The following SHISA9 variants were observed in gnomAD, a reference collection of about 807,000 sequenced individuals.
SHISA9 encodes the protein shisa family member 9.
A neutral mutation model predicts 38.0 loss-of-function variants in SHISA9; 13 were observed. The ratio of observed to expected loss-of-function variants is 0.34; its 90% CI spans 0.22 to 0.54. The LOEUF is 0.54. Among genes scored for constraint, SHISA9 ranks in the 20% least tolerant of loss-of-function variants. The pLI is 0.91. For synonymous variants in SHISA9, 275 were observed against 242.0 expected, an observed-to-expected ratio of 1.14 and a Z score of -1.27; for missense variants, 538 against 575.8, an observed-to-expected ratio of 0.93 and a Z score of 0.67.
At chr16:13,304,345 A>G in the SHISA9 span, among the ~76,000 whole-genome samples, 2 of 152,156 alleles carry the variant, frequency 1.3e-5, no homozygotes, top group Non-Finnish European at 2.9e-5. Context: ...CGTGGCCTCA[A>G]TCTCCCCAGG....
intron 2 of SHISA9, among the ~76,000 whole-genome samples, chr16:13,071,078 G>A (rs1251975777): frequency 6.6e-6 from 1 of 152,126 alleles, no homozygotes; most frequent in Non-Finnish European, 1.5e-5. Context: ...ATTCAAGAAT[G>A]ACAAGACATT....
the SHISA9 span, among the ~76,000 whole-genome samples, chr16:13,359,627 T>C: frequency 6.6e-6 from 1 of 152,262 alleles, no homozygotes; most frequent in Non-Finnish European, 1.5e-5. Context: ...ACCATACTTT[T>C]ACCTCTCTGA....
chr16:13,272,332 C>A, the SHISA9 span, among the ~76,000 whole-genome samples: 3 of 152,062 alleles, frequency 2.0e-5, no homozygotes, highest in Non-Finnish European at 4.4e-5. Flanking sequence ...CCTACAATGA[C>A]CTTTCCACCC....
chr16:13,234,853 T>C (rs2051365581), intron 4 of SHISA9, among the ~76,000 whole-genome samples, 177 bp from the exon 5 acceptor site: 1 of 152,092 alleles, frequency 6.6e-6, no homozygotes, highest in African/African-American at 2.4e-5. Context: ...AAGGGCATGG[T>C]GCTGCCCTTC....
At chr16:13,184,765 A>G (rs1276755705) in intron 2 of SHISA9, among the ~76,000 whole-genome samples, 1 of 152,228 alleles carries the variant, frequency 6.6e-6, no homozygotes, top group Non-Finnish European at 1.5e-5. Flanking sequence ...TGTATTAATA[A>G]CAGTCCATTC....
chr16:12,981,139 T>C (rs2072234548), intron 2 of SHISA9, among the ~76,000 whole-genome samples: 2 of 152,216 alleles, frequency 1.3e-5, no homozygotes, highest in Non-Finnish European at 1.5e-5. Context: ...GGTACTTTGA[T>C]GGGCAATGTG....
the SHISA9 span, among the ~76,000 whole-genome samples, chr16:13,426,222 G>T: frequency 6.6e-6 from 1 of 152,162 alleles, no homozygotes; most frequent in East Asian, 1.9e-4. Flanking sequence ...GGATCCTTGC[G>T]AAGTGTTTTA....
At chr16:13,174,290 G>T (rs1280691977) in intron 2 of SHISA9, among the ~76,000 whole-genome samples, 1 of 152,052 alleles carries the variant, frequency 6.6e-6, no homozygotes, top group Non-Finnish European at 1.5e-5. Context: ...ACTCTCCTCT[G>T]GTCCTGCCTT....
At chr16:13,157,460 C>G (rs1251931128) in intron 2 of SHISA9, among the ~76,000 whole-genome samples, 1 of 152,156 alleles carries the variant, frequency 6.6e-6, no homozygotes, top group African/African-American at 2.4e-5. Context: ...AGTTACTTAG[C>G]CTTTCTGTCC....
chr16:13,354,781 A>G, the SHISA9 span, among the ~76,000 whole-genome samples: 134 of 152,178 alleles, frequency 8.8e-4, no homozygotes, highest in African/African-American at 3.1e-3. Context: ...GAAGAAAAGG[A>G]GTTGTTTTGT....
chr16:13,297,638 A>G, the SHISA9 span, among the ~76,000 whole-genome samples: 7 of 152,344 alleles, frequency 4.6e-5, no homozygotes, highest in South Asian at 1.0e-3. Flanking sequence ...TAAGTGAAGA[A>G]TAGTGAAAAG....
the SHISA9 span, among the ~76,000 whole-genome samples, chr16:13,525,390 T>C: frequency 6.6e-6 from 1 of 152,146 alleles, no homozygotes; most frequent in Admixed American, 6.5e-5. Context: ...TGCAGTTACA[T>C]TAAAAAGACA....
rs1555462877 is a variant in SHISA9, at chr16:13,114,488, A to AAAG, written c.692-88906_692-88905insAAG. The stretch of plus-strand genomic sequence containing the variant: ...CTCAAAAAAAAAAAAAAAAAAAAAA[A>AAAG]GACGAAAAATACGAAGAACTAGGTA... On this transcript the variant is annotated intron_variant, in intron 2 of 4. Coordinates refer to ENST00000558583, the MANE Select transcript of SHISA9 (RefSeq NM_001145204.3). Among the ~76,000 whole-genome samples, 10 of 149,620 alleles carry AAAG rather than the reference A, an allele frequency of 6.7e-5. No homozygotes were observed. The East Asian group carries it at 1.2e-3, about 18-fold the overall frequency.
At chr16:13,050,814 T>C (rs2073242822) in intron 2 of SHISA9, among the ~76,000 whole-genome samples, 1 of 152,230 alleles carries the variant, frequency 6.6e-6, no homozygotes, top group South Asian at 2.1e-4. Flanking sequence ...AAGCTGTTTT[T>C]ATGGGACATC....
At chr16:13,092,087 T>A (rs1490294921) in intron 2 of SHISA9, among the ~76,000 whole-genome samples, 1 of 152,224 alleles carries the variant, frequency 6.6e-6, no homozygotes, top group Non-Finnish European at 1.5e-5. Flanking sequence ...TGGAGTTTGC[T>A]GGAATTCCAC....
chr16:13,206,842 A>C (rs1347153131), intron 3 of SHISA9, among the ~76,000 whole-genome samples: 1 of 152,146 alleles, frequency 6.6e-6, no homozygotes, highest in Non-Finnish European at 1.5e-5. Context: ...TATGCATCCT[A>C]ACTGCATTCA....
intron 2 of SHISA9, among the ~76,000 whole-genome samples, chr16:13,036,875 A>T (rs763831096): frequency 1.7e-4 from 26 of 152,122 alleles, no homozygotes; most frequent in Non-Finnish European, 2.6e-4. Context: ...CAGCTCAAAA[A>T]ACCCTTTAAT....
At chr16:13,175,303 C>T (rs1408691370) in intron 2 of SHISA9, among the ~76,000 whole-genome samples, 6 of 152,074 alleles carry the variant, frequency 3.9e-5, no homozygotes, top group East Asian at 3.9e-4. Flanking sequence ...GTGGGAGGAT[C>T]GCTCAAGTCC....
chr16:13,081,037 C>A (rs1348757069), intron 2 of SHISA9, among the ~76,000 whole-genome samples: 2 of 152,194 alleles, frequency 1.3e-5, no homozygotes, highest in African/African-American at 4.8e-5. Context: ...CCCAAAGCAC[C>A]ACCTCCAAAT....
Sources: allele counts gnomAD v4.1 joint callset (sites outside exome capture counted in the v4.1 genomes callset), GRCh38; gene constraint gnomAD v4.1.1; transcripts MANE v1.5; gene names NCBI Gene and HGNC (gene_info 2026-07-23, HGNC 2026-07-21).